INPP4B: variants seen among roughly 807,000 people sequenced by gnomAD.
INPP4B encodes inositol polyphosphate 4-phosphatase type II.
INPP4B carries 55 observed loss-of-function variants against 122.5 expected under a neutral mutation model. The ratio of observed to expected loss-of-function variants is 0.45; its 90% CI spans 0.36 to 0.56. The LOEUF is 0.56. Among genes scored for constraint, INPP4B ranks in the 20% least tolerant of loss-of-function variants. INPP4B has a pLI of 0.00. For missense variants in INPP4B, 1,000 were observed against 1,097.7 expected (o/e 0.91, Z 1.26); for synonymous variants, 403 against 388.7 (o/e 1.04, Z -0.43).
intron 2 of INPP4B, among the ~76,000 whole-genome samples, chr4:142,465,536 A>G (rs1817603749): frequency 6.6e-6 from 1 of 152,210 alleles, no homozygotes; most frequent in South Asian, 2.1e-4. Flanking sequence ...ATTAAAATGC[A>G]GAATATTCCA....
chr4:142,662,955 C>A (rs187366020), intron 2 of INPP4B, among the ~76,000 whole-genome samples: 65 of 152,242 alleles, frequency 4.3e-4, no homozygotes, highest in African/African-American at 1.4e-3. Context: ...TGAAAGTCAT[C>A]TCATTAGTCC....
intron 17 of INPP4B, among the ~76,000 whole-genome samples, chr4:142,147,798 C>G (rs1811591379): frequency 6.6e-6 from 1 of 152,152 alleles, no homozygotes; most frequent in African/African-American, 2.4e-5. Context: ...CACTTTACCT[C>G]TAAGAAAAAT....
intron 11 of INPP4B, among the ~76,000 whole-genome samples, chr4:142,239,139 T>TGAACAC (rs1248658395): frequency 6.6e-6 from 1 of 152,132 alleles, no homozygotes; most frequent in East Asian, 1.9e-4. Context: ...ATATATCTTC[T>TGAACAC]TGAACACTGA....
intron 23 of INPP4B, among the ~76,000 whole-genome samples, chr4:142,087,058 T>A (rs1053189027): frequency 2.6e-5 from 4 of 152,176 alleles, no homozygotes; most frequent in Admixed American, 2.0e-4. Context: ...ACTTCTTGAA[T>A]CAGGTAATAT....
intron 2 of INPP4B, among the ~76,000 whole-genome samples, chr4:142,539,504 A>G (rs2150024836): frequency 6.6e-6 from 1 of 152,128 alleles, no homozygotes; most frequent in South Asian, 2.1e-4. Flanking sequence ...AAAGAACACA[A>G]TTTAAGGTGT....
intron 25 of INPP4B, among the ~76,000 whole-genome samples, chr4:142,069,268 T>A (rs559265212): frequency 2.0e-5 from 3 of 152,192 alleles, no homozygotes; most frequent in Non-Finnish European, 4.4e-5. Context: ...GAAATAAAGA[T>A]GTTCTTTGAA....
chr4:142,712,636 CAA>C (rs2150802707), intron 2 of INPP4B, among the ~76,000 whole-genome samples: 1 of 152,320 alleles, frequency 6.6e-6, no homozygotes, highest in African/African-American at 2.4e-5. Flanking sequence ...TAGCCAATCA[CAA>C]ACGTACTTGT....
At chr4:142,675,518 C>T (rs1428560210) in intron 2 of INPP4B, among the ~76,000 whole-genome samples, 1 of 152,064 alleles carries the variant, frequency 6.6e-6, no homozygotes, top group Non-Finnish European at 1.5e-5. Context: ...TATCCTGATA[C>T]CAAAATCTGG....
intron 1 of INPP4B, among the ~76,000 whole-genome samples, chr4:142,836,249 G>T (rs1290833328): frequency 6.6e-5 from 10 of 152,180 alleles, no homozygotes; most frequent in Admixed American, 6.5e-4. Flanking sequence ...AGAAATATCA[G>T]TGAGAATGTC....
At chr4:142,620,368 C>T (rs977275000) in intron 2 of INPP4B, among the ~76,000 whole-genome samples, 1 of 151,906 alleles carries the variant, frequency 6.6e-6, no homozygotes, top group Non-Finnish European at 1.5e-5. Flanking sequence ...ATAGATGGAG[C>T]TGGAAGCCAT....
At chr4:142,629,235 T>C (rs1450353743) in intron 2 of INPP4B, among the ~76,000 whole-genome samples, 6 of 152,184 alleles carry the variant, frequency 3.9e-5, no homozygotes, top group African/African-American at 1.2e-4. Flanking sequence ...TGAATGATCA[T>C]TGAGCTGAGC....
chr4:142,539,238 A>C (rs1406503072), intron 2 of INPP4B, among the ~76,000 whole-genome samples: 1 of 151,894 alleles, frequency 6.6e-6, no homozygotes, highest in South Asian at 2.1e-4. Flanking sequence ...TTGCATATCA[A>C]CATGACAATA....
At chr4:142,090,569 G>C (rs1014580545) in intron 23 of INPP4B, among the ~76,000 whole-genome samples, 5 of 152,074 alleles carry the variant, frequency 3.3e-5, no homozygotes, top group African/African-American at 1.2e-4. Flanking sequence ...ACGTGAATTG[G>C]TTTTAGGCTT....
chr4:142,117,667 A>G (rs1364201031), intron 21 of INPP4B, among the ~76,000 whole-genome samples: 1 of 152,184 alleles, frequency 6.6e-6, no homozygotes, highest in Non-Finnish European at 1.5e-5. Flanking sequence ...GTATCTCAAA[A>G]TAATAAGATC....
At chr4:142,754,940 G>A (rs191574356) in intron 1 of INPP4B, among the ~76,000 whole-genome samples, 26 of 152,036 alleles carry the variant, frequency 1.7e-4, no homozygotes, top group African/African-American at 6.0e-4. Context: ...CATTTGTATG[G>A]CACATCAAAT....
At chr4:142,330,834 A>G (rs993503100) in intron 7 of INPP4B, among the ~76,000 whole-genome samples, 3 of 152,212 alleles carry the variant, frequency 2.0e-5, no homozygotes, top group Non-Finnish European at 4.4e-5. Context: ...CGGGGCTTAA[A>G]GAAGTGAACT....
chr4:142,663,719 G>A (rs1755587365), intron 2 of INPP4B, among the ~76,000 whole-genome samples: 1 of 152,006 alleles, frequency 6.6e-6, no homozygotes, highest in Admixed American at 6.6e-5. Context: ...TTTATAAGCT[G>A]AAAGACCATT....
intron 2 of INPP4B, among the ~76,000 whole-genome samples, chr4:142,489,506 G>A (rs910478947): frequency 1.3e-5 from 2 of 152,126 alleles, no homozygotes; most frequent in African/African-American, 4.8e-5. Context: ...CAATTCTCAT[G>A]CCTCAGCCTC....
chr4:142,822,468 C>T (rs1183260720), intron 1 of INPP4B, among the ~76,000 whole-genome samples: 1 of 152,156 alleles, frequency 6.6e-6, no homozygotes. Flanking sequence ...TGAGCTCTGC[C>T]TCCTGTCAGA....
Sources: gnomAD v4.1 joint callset for allele counts (sites outside exome capture counted in the v4.1 genomes callset) on GRCh38, gnomAD v4.1.1 for gene constraint, MANE v1.5 for transcripts, NCBI Gene and HGNC (gene_info 2026-07-23, HGNC 2026-07-21) for gene names.